FBLN1: variants seen among roughly 807,000 people sequenced by gnomAD.
FBLN1 encodes fibulin 1.
In FBLN1, 34 loss-of-function variants were observed where a neutral mutation model predicts 89.7. The observed-to-expected ratio is 0.38, with a 90% CI of 0.29 to 0.50. The LOEUF (loss-of-function observed/expected upper bound fraction) is 0.50, where lower values mean the gene tolerates loss of function less well. Among genes scored for constraint, FBLN1 ranks in the 20% least tolerant of loss-of-function variants. The pLI is 0.92. For synonymous variants in FBLN1, 393 were observed against 391.3 expected, an observed-to-expected ratio of 1.00 and a Z score of -0.05; for missense variants, 777 against 988.1, an observed-to-expected ratio of 0.79 and a Z score of 2.86.
At chr22:45,503,755 G>A (rs1391447094) in intron 1 of FBLN1, among the ~76,000 whole-genome samples, 1 of 152,160 alleles carries the variant, frequency 6.6e-6, no homozygotes, top group Non-Finnish European at 1.5e-5. Flanking sequence ...CGGGGACTGG[G>A]GACTGGTCAC....
intron 14 of FBLN1, chr22:45,558,650 G>A (rs2097485): frequency 0.5 from 74,270 of 147,162 alleles, 19,043 homozygotes; most frequent in Middle Eastern, 0.62. Flanking sequence ...CAGGTCACTC[G>A]ATAAATGTGC....
intron 8 of FBLN1, 135 bp from the exon 9 acceptor site, chr22:45,541,092 CAG>C: frequency 8.9e-7 from 1 of 1,123,132 alleles, no homozygotes; most frequent in Non-Finnish European, 1.3e-6. Context: ...CTGTGTGGTC[CAG>C]AGTGAGGGGG....
intron 16 of FBLN1, among the ~76,000 whole-genome samples, chr22:45,585,446 G>T (rs773760517): frequency 6.6e-6 from 1 of 152,204 alleles, no homozygotes; most frequent in South Asian, 2.1e-4. Flanking sequence ...AGTTTGGCCC[G>T]GGATCAGTAC....
chr22:45,589,813 C>T (rs977947561), intron 16 of FBLN1, among the ~76,000 whole-genome samples: 9 of 146,472 alleles, frequency 6.1e-5, no homozygotes, highest in Non-Finnish European at 8.8e-5. Context: ...ATGTCTCCAC[C>T]CTCCCCGCAG....
rs1351806384 is a variant in FBLN1, at chr22:45,531,086, A to T, written c.485-179A>T. ...GCCTATAATTGATCAGATATCAATT[A>T]TACATTTTCAAGTGTAATTCTAGCT... is the stretch of plus-strand genomic sequence containing the variant. On this transcript the variant is annotated intron_variant, in intron 4 of 16. Coordinates refer to ENST00000327858, the MANE Select transcript of FBLN1 (RefSeq NM_006486.3). The surrounding 1 kb of genome is among the most constrained non-coding windows in gnomAD (Gnocchi z 4.9). Among the ~76,000 whole-genome samples the T allele has an allele frequency of 6.6e-6, 1 of 152,204 alleles. No homozygotes were observed. The highest frequency in any genetic ancestry group is 1.5e-5 in the Non-Finnish European group (1 of 68,038).
rs1469235272 is a variant in FBLN1 at position 45,575,619 on chromosome 22, G to A, written c.1840+966G>A. On this transcript the variant is annotated intron_variant, in intron 15 of 16. Coordinates refer to ENST00000327858, the MANE Select transcript of FBLN1 (RefSeq NM_006486.3). This position sits in a 1 kb window ranked among gnomAD's most constrained non-coding sequence, Gnocchi z 6.3. Reference sequence around the variant, plus strand: ...GCCAGACGGGGAGCAGGAAGCTCAGGTGTAACCCAGTCAGTGCTCCCACAC... The same window carrying A: ...GCCAGACGGGGAGCAGGAAGCTCAGATGTAACCCAGTCAGTGCTCCCACAC... Among the ~76,000 whole-genome samples the A allele has an allele frequency of 1.3e-5, 2 of 152,132 alleles. No homozygotes were observed. Among genetic ancestry groups the A allele is most frequent in the Admixed American group, 1.3e-4 (2 of 15,280 alleles).
At position 45,576,912 on chromosome 22, in the gene FBLN1, A is replaced by G; in HGVS notation, c.1841-65A>G. On this transcript the variant is annotated intron_variant, in intron 15 of 16. Transcript: ENST00000327858. This position sits in a 1 kb window ranked among gnomAD's most constrained non-coding sequence, Gnocchi z 5.2. ...ATTCCCCAAGGGTGAGTTCCTGGGG[A>G]CGAGGCTGGGACTGGGGCTGGGGCC... 6.2e-7 allele frequency: 1 copy of G among 1,602,660 alleles called. No homozygotes were observed.
At chr22:45,573,680 C>CAAAAAAAA (rs60082908) in intron 14 of FBLN1, among the ~76,000 whole-genome samples, 10 of 58,952 alleles carry the variant, frequency 1.7e-4, no homozygotes, top group East Asian at 5.5e-4. Context: ...GACTCTGTCT[C>CAAAAAAAA]AAAAAAAAAA....
chr22:45,543,675 A>T, intron 11 of FBLN1, 149 bp downstream of exon 11: 1 of 1,149,882 alleles, frequency 8.7e-7, no homozygotes. Context: ...AATATTGTTC[A>T]TCAGAGAGGA....
intron 14 of FBLN1, among the ~76,000 whole-genome samples, chr22:45,568,608 A>G (rs1569260224): frequency 2.1e-5 from 1 of 46,552 alleles, no homozygotes; most frequent in Non-Finnish European, 5.1e-5. Flanking sequence ...CTCCTTCTGT[A>G]AGGGAATGCT....
chr22:45,592,090 ACCTGCGGC>A (rs1276882332), intron 16 of FBLN1, among the ~76,000 whole-genome samples: 4 of 152,294 alleles, frequency 2.6e-5, no homozygotes, highest in Admixed American at 2.6e-4. Context: ...CTGGACGGAA[ACCTGCGGC>A]CCTGTTAGCT....
At chr22:45,506,796 C>T (rs77808676) in intron 1 of FBLN1, among the ~76,000 whole-genome samples, 819 of 152,354 alleles carry the variant, frequency 5.4e-3, no homozygotes, top group Non-Finnish European at 8.0e-3. Context: ...GCTTCCCTGA[C>T]CTGGTGAGAC....
chr22:45,540,912 C>G (rs544735941), intron 8 of FBLN1, among the ~76,000 whole-genome samples: 1 of 152,218 alleles, frequency 6.6e-6, no homozygotes, highest in Non-Finnish European at 1.5e-5. Context: ...TCCTTAATAC[C>G]GTGCCCAGTG....
Position 45,525,650 on chromosome 22 carries a change from A to T in FBLN1, c.293A>T (p.Asn98Ile), listed in dbSNP as rs2088316861. ...CGCTGTGCCACGCCCCACGGTGACA[A>T]CGCCAGCCTGGAGGCCACATTTGTG... ...QDRCATPHGDNASLEATFVKR... is the reference protein window; with the variant it reads ...QDRCATPHGDIASLEATFVKR... Residue 98 changes from asparagine (N) to isoleucine (I), a missense_variant, in exon 3 of 17, where the codon AAC becomes ATC. Coordinates refer to ENST00000327858, the MANE Select transcript of FBLN1 (RefSeq NM_006486.3). 1.3e-6 allele frequency: 2 copies of T among 1,551,248 alleles called. No homozygotes were observed. The highest frequency in any genetic ancestry group is 1.4e-5 in the African/African-American group (1 of 73,056).
intron 14 of FBLN1, among the ~76,000 whole-genome samples, chr22:45,573,919 A>C (rs1324971247): frequency 6.6e-6 from 1 of 152,098 alleles, no homozygotes; most frequent in African/African-American, 2.4e-5. Flanking sequence ...TATGATCAAG[A>C]GGTTGTAAAA....
chr22:45,568,773 G>A lies in FBLN1; in HGVS notation c.1698-5738G>A, dbSNP rs1215768120. Among the ~76,000 whole-genome samples, 91 of 27,072 alleles carry A rather than the reference G, an allele frequency of 3.4e-3. 23 individuals carry two copies. The highest frequency in any genetic ancestry group is 0.012 in the African/African-American group (70 of 5,722). 17.8% of individuals were successfully genotyped at this position (27,072 alleles called of 152,430 possible). A position where few individuals can be genotyped will look rare whatever the true frequency, so the allele number is the denominator to read the frequency against. On this transcript the variant is annotated intron_variant, in intron 14 of 16. Transcript: ENST00000327858. The stretch of plus-strand genomic sequence containing the variant: ...TGTAGGGGAGTGCTCCTTCTGTAAG[G>A]GAATGCTCCTCCTGTAAGGGAATGC...
Position 45,563,027 on chromosome 22 carries a change from C to A in FBLN1, c.1698-11484C>A. On this transcript the variant is annotated intron_variant, in intron 14 of 16. Transcript: ENST00000327858. The surrounding 1 kb of genome is among the most constrained non-coding windows in gnomAD (Gnocchi z 5.7). ...CATCCAAGCGCCCGCGGTGGTTTTC[C>A]GCATGGGCCCCTCCAGTGCTGTCCC... 1 of 1,613,466 alleles carries A rather than the reference C, an allele frequency of 6.2e-7. No individual in the cohort carries two copies. The highest frequency in any genetic ancestry group is 1.1e-5 in the South Asian group (1 of 91,070).
intron 1 of FBLN1, among the ~76,000 whole-genome samples, chr22:45,516,153 G>A (rs1329303200): frequency 6.6e-6 from 1 of 152,204 alleles, no homozygotes; most frequent in Non-Finnish European, 1.5e-5. Flanking sequence ...GGCATGGGAG[G>A]TGGGCTAGGA....
chr22:45,591,728 C>T (rs770150447), intron 16 of FBLN1, among the ~76,000 whole-genome samples: 1 of 152,146 alleles, frequency 6.6e-6, no homozygotes, highest in Admixed American at 6.5e-5. Flanking sequence ...TTGCTTTCTG[C>T]TGTTTTTGCC....
Sources: allele counts gnomAD v4.1 joint callset (sites outside exome capture counted in the v4.1 genomes callset), GRCh38; gene constraint gnomAD v4.1.1; non-coding constraint Gnocchi (gnomAD v3.1); transcripts MANE v1.5; gene names NCBI Gene and HGNC (gene_info 2026-07-23, HGNC 2026-07-21).